Variants in FGGY observed in about 807,000 individuals in gnomAD.
The protein encoded by FGGY is FGGY carbohydrate kinase domain containing.
In FGGY, 72 loss-of-function variants were observed where a neutral mutation model predicts 71.3. The observed-to-expected ratio is 1.01, with a 90% confidence interval of 0.84 to 1.23. FGGY has a LOEUF of 1.23. FGGY is among the 50% of genes most tolerant of loss of function. FGGY has a pLI of 0.00. For missense variants in FGGY, 668 were observed against 682.3 expected, an observed-to-expected ratio of 0.98 and a Z score of 0.23; for synonymous variants, 251 against 250.3, an observed-to-expected ratio of 1.00 and a Z score of -0.02.
At chr1:59,691,069 G>A (rs1278767207) in intron 14 of FGGY, among the ~76,000 whole-genome samples, 1 of 152,148 alleles carries the variant, frequency 6.6e-6, no homozygotes, top group South Asian at 2.1e-4. Flanking sequence ...GTAAAGCAGT[G>A]GAACCTTTGG....
At chr1:59,318,146 CA>C (rs1414248022) in intron 1 of FGGY, among the ~76,000 whole-genome samples, 4 of 152,172 alleles carry the variant, frequency 2.6e-5, no homozygotes, top group Non-Finnish European at 4.4e-5. Flanking sequence ...CATACTGGAG[CA>C]AGTTACTTTA....
intron 5 of FGGY, among the ~76,000 whole-genome samples, chr1:59,411,098 A>G (rs2063538129): frequency 6.6e-6 from 1 of 152,174 alleles, no homozygotes; most frequent in South Asian, 2.1e-4. Flanking sequence ...CATTTCCTGG[A>G]CCAGAATCTA....
intron 6 of FGGY, among the ~76,000 whole-genome samples, chr1:59,464,164 T>A (rs2092453345): frequency 6.6e-6 from 1 of 152,174 alleles, no homozygotes. Flanking sequence ...CAACAAACTG[T>A]CTTTCAGACC....
intron 9 of FGGY, among the ~76,000 whole-genome samples, chr1:59,620,948 T>C (rs1255867268): frequency 1.3e-5 from 2 of 152,008 alleles, no homozygotes; most frequent in East Asian, 1.9e-4. Context: ...ATACCACAGG[T>C]TGGGTGGCTT....
At chr1:59,382,294 C>T (rs1022532348) in intron 5 of FGGY, among the ~76,000 whole-genome samples, 2 of 152,112 alleles carry the variant, frequency 1.3e-5, no homozygotes, top group South Asian at 2.1e-4. Flanking sequence ...AATTCAGCAG[C>T]GGGGGCTTCC....
intron 5 of FGGY, among the ~76,000 whole-genome samples, chr1:59,383,015 G>T (rs527528068): frequency 7.9e-5 from 12 of 152,228 alleles, no homozygotes; most frequent in Admixed American, 2.0e-4. Flanking sequence ...TGACTTACCG[G>T]CTTTGATTTT....
chr1:59,466,587 A>G (rs1030976513), intron 6 of FGGY, among the ~76,000 whole-genome samples: 1 of 152,186 alleles, frequency 6.6e-6, no homozygotes, highest in Non-Finnish European at 1.5e-5. Flanking sequence ...AATGGGAGAA[A>G]ATTTTCACAA....
chr1:59,312,272 C>T (rs564330690), intron 1 of FGGY, among the ~76,000 whole-genome samples: 1 of 152,126 alleles, frequency 6.6e-6, no homozygotes, highest in Non-Finnish European at 1.5e-5. Context: ...TCCCATCTGT[C>T]AATTTTGGCA....
At position 59,667,310 on chromosome 1, in the gene FGGY, A is replaced by T. The variant is rs145324173; in HGVS notation, c.1324A>T (p.Met442Leu). Reference sequence around the variant, plus strand: ...GGGGACTCGCTTCATTATAGAAGCCATGGAGGCAGCAGGGCACTCAATCAG... The same window carrying T: ...GGGGACTCGCTTCATTATAGAAGCCTTGGAGGCAGCAGGGCACTCAATCAG... ...ALGTRFIIEA[M>L]EAAGHSISTL... The change falls in exon 13 of 16, where the codon ATG becomes TTG. Residue 442 changes from methionine to leucine, a missense_variant. This residue lies in a region of FGGY where 661 missense variants were observed against 661.6 expected (regional missense o/e 1.00). Coordinates refer to ENST00000303721, the MANE Select transcript of FGGY (RefSeq NM_018291.5). 2 of 1,614,180 alleles carry T rather than the reference A, an allele frequency of 1.2e-6. No individual in the cohort carries two copies. The highest frequency in any genetic ancestry group is 4.5e-5 in the East Asian group (2 of 44,878).
intron 5 of FGGY, among the ~76,000 whole-genome samples, chr1:59,427,421 G>A (rs968001341): frequency 1.3e-5 from 2 of 152,274 alleles, no homozygotes; most frequent in African/African-American, 2.4e-5. Flanking sequence ...AATGAGACAC[G>A]AGATGGCGGA....
intron 11 of FGGY, among the ~76,000 whole-genome samples, chr1:59,659,667 TC>T (rs1290084079): frequency 6.6e-6 from 1 of 152,162 alleles, no homozygotes; most frequent in Non-Finnish European, 1.5e-5. Context: ...ATTGACATAC[TC>T]CATATAAACA....
At chr1:59,609,517 G>A (rs1304521208) in intron 9 of FGGY, among the ~76,000 whole-genome samples, 1 of 152,190 alleles carries the variant, frequency 6.6e-6, no homozygotes, top group Non-Finnish European at 1.5e-5. Flanking sequence ...GGGAATTGAG[G>A]TCAAGAGATT....
At chr1:59,466,761 A>G (rs2092656065) in intron 6 of FGGY, among the ~76,000 whole-genome samples, 1 of 152,252 alleles carries the variant, frequency 6.6e-6, no homozygotes, top group Non-Finnish European at 1.5e-5. Context: ...AAACATGCTC[A>G]TCATCACTGG....
intron 6 of FGGY, among the ~76,000 whole-genome samples, chr1:59,463,298 C>A (rs7542842): frequency 6.6e-6 from 1 of 151,862 alleles, no homozygotes; most frequent in Admixed American, 6.6e-5. Flanking sequence ...ATCCTTTACA[C>A]ACAAGCAAAT....
intron 3 of FGGY, among the ~76,000 whole-genome samples, chr1:59,340,505 T>C (rs114404877): frequency 0.022 from 3,366 of 152,268 alleles, 141 homozygotes; most frequent in African/African-American, 0.077. Context: ...GACAGGGCCA[T>C]GTGACAGATA....
At chr1:59,573,811 A>C (rs1035016157) in intron 8 of FGGY, among the ~76,000 whole-genome samples, 1 of 152,172 alleles carries the variant, frequency 6.6e-6, no homozygotes, top group Non-Finnish European at 1.5e-5. Flanking sequence ...TCATCTTTCC[A>C]GTAATAAAAG....
At chr1:59,374,720 AGCCATAAAAATGTTGAGTTCACATCATG>A (rs1293514119) in intron 4 of FGGY, among the ~76,000 whole-genome samples, 1 of 152,176 alleles carries the variant, frequency 6.6e-6, no homozygotes, top group Admixed American at 6.5e-5. Flanking sequence ...AATACTATGC[AGCCATAAAAATGTTGAGTTCACATCATG>A]TCCTTTGTAG....
intron 7 of FGGY, among the ~76,000 whole-genome samples, chr1:59,523,386 C>G (rs1239762134): frequency 6.6e-6 from 1 of 152,218 alleles, no homozygotes; most frequent in Non-Finnish European, 1.5e-5. Context: ...AGTTATTGCC[C>G]CAAGGCGGCA....
chr1:59,440,135 T>C (rs1225926252), intron 5 of FGGY, among the ~76,000 whole-genome samples: 1 of 149,654 alleles, frequency 6.7e-6, no homozygotes, highest in Non-Finnish European at 1.5e-5. Flanking sequence ...ACAAGAGAAT[T>C]AGATTGAATT....
Sources: gnomAD v4.1 joint callset for allele counts (sites outside exome capture counted in the v4.1 genomes callset) on GRCh38, gnomAD v4.1.1 for gene constraint, gnomAD v4.1.1 regional missense constraint, MANE v1.5 for transcripts, NCBI Gene and HGNC (gene_info 2026-07-23, HGNC 2026-07-21) for gene names.